WWOX: variants seen among roughly 807,000 people sequenced by gnomAD.
WWOX encodes WW domain-containing oxidoreductase.
Under a neutral mutation model 46.2 loss-of-function variants are expected in WWOX, and 69 were observed. That is an observed-to-expected ratio of 1.49 (90% CI 1.23 to 1.82). The LOEUF (loss-of-function observed/expected upper bound fraction) is 1.82. Among genes scored for constraint, WWOX ranks in the 40% most tolerant of loss-of-function variants. The pLI, the probability that WWOX is intolerant of heterozygous loss-of-function variation, is 0.00. For missense variants in WWOX, 919 were observed against 542.6 expected (o/e 1.69, Z -6.89); for synonymous variants, 359 against 202.6 (o/e 1.77, Z -6.56).
Position 78,648,152 on chromosome 16 carries a change from C to T in WWOX, c.1056+215400C>T, listed in dbSNP as rs72794707. On this transcript the variant is annotated intron_variant, in intron 8 of 8. Coordinates refer to ENST00000566780, the MANE Select transcript of WWOX (RefSeq NM_016373.4). Reference sequence around the variant, plus strand: ...GTTGAAAGGTGACTGAATACATTACCACCTCCCAGGAGTTGAATGAAAAAC... The same window carrying T: ...GTTGAAAGGTGACTGAATACATTACTACCTCCCAGGAGTTGAATGAAAAAC... Among the ~76,000 whole-genome samples, 930 of 152,300 alleles carry T rather than the reference C, an allele frequency of 6.1e-3. 7 individuals carry two copies. The highest frequency in any genetic ancestry group is 0.011 in the Non-Finnish European group (740 of 68,038).
intron 8 of WWOX, among the ~76,000 whole-genome samples, chr16:78,673,857 C>CA (rs1567480670): frequency 2.0e-5 from 3 of 152,146 alleles, no homozygotes; most frequent in Non-Finnish European, 4.4e-5. Flanking sequence ...TTGTGCCATG[C>CA]AAAAAACATG....
At chr16:78,479,175 T>G (rs1466492085) in intron 8 of WWOX, among the ~76,000 whole-genome samples, 1 of 152,214 alleles carries the variant, frequency 6.6e-6, no homozygotes, top group Non-Finnish European at 1.5e-5. Flanking sequence ...TTCTTTCTGT[T>G]TGGATTAACA....
intron 8 of WWOX, among the ~76,000 whole-genome samples, chr16:78,882,547 G>C (rs1472848936): frequency 6.6e-6 from 1 of 151,156 alleles, no homozygotes; most frequent in East Asian, 2.0e-4. Context: ...TGGGATCTCA[G>C]CTCACTGCAC....
chr16:79,041,139 T>C (rs2047963380), intron 8 of WWOX, among the ~76,000 whole-genome samples: 1 of 152,112 alleles, frequency 6.6e-6, no homozygotes, highest in Admixed American at 6.6e-5. Context: ...CTATTGGCAG[T>C]CTCTGACACA....
chr16:78,285,786 C>A (rs933287923), intron 5 of WWOX, among the ~76,000 whole-genome samples: 1 of 152,026 alleles, frequency 6.6e-6, no homozygotes, highest in African/African-American at 2.4e-5. Context: ...GAGCCCTTCC[C>A]TTTCTCTTCT....
At chr16:79,132,239 T>G (rs2049895035) in intron 8 of WWOX, among the ~76,000 whole-genome samples, 1 of 152,158 alleles carries the variant, frequency 6.6e-6, no homozygotes, top group African/African-American at 2.4e-5. Flanking sequence ...GAACTTTAGT[T>G]GACTTTATAA....
rs565705212 is a variant in WWOX at position 78,149,936 on chromosome 16, T to G, written c.410-14247T>G. Among the ~76,000 whole-genome samples, 84 of 152,254 alleles carry G rather than the reference T, an allele frequency of 5.5e-4. 1 individual carries two copies. Among genetic ancestry groups the G allele is most frequent in the Non-Finnish European group, 1.0e-3 (70 of 68,018 alleles). ...CATGACAAATGTGTGGAGTGTTCCC[T>G]CCTTTTACGTAATTCTCCAATTTTC... On this transcript the variant is annotated intron_variant, in intron 4 of 8. Transcript: ENST00000566780.
At chr16:79,011,727 A>G (rs965116716) in intron 8 of WWOX, among the ~76,000 whole-genome samples, 14 of 151,970 alleles carry the variant, frequency 9.2e-5, no homozygotes, top group African/African-American at 3.4e-4. Context: ...TCCTGGGCTC[A>G]AGCTATTCAC....
At chr16:78,322,593 AC>A (rs2080509338) in intron 5 of WWOX, among the ~76,000 whole-genome samples, 1 of 152,178 alleles carries the variant, frequency 6.6e-6, no homozygotes, top group African/African-American at 2.4e-5. Flanking sequence ...TACAATTCAA[AC>A]CCAGGTAGAC....
At chr16:78,277,208 G>A (rs2079593305) in intron 5 of WWOX, among the ~76,000 whole-genome samples, 5 of 152,154 alleles carry the variant, frequency 3.3e-5, no homozygotes, top group Admixed American at 3.3e-4. Flanking sequence ...GAAAAAAAGG[G>A]GGATGGCAGA....
At chr16:78,491,475 T>C (rs1409636388) in intron 8 of WWOX, among the ~76,000 whole-genome samples, 1 of 152,040 alleles carries the variant, frequency 6.6e-6, no homozygotes, top group Non-Finnish European at 1.5e-5. Context: ...TTCTTTGTTC[T>C]TTTTTTTGAG....
rs371171961 is a variant in WWOX, at chr16:78,483,165, T to A, written c.1056+50413T>A. 6.3e-4 allele frequency among the ~76,000 whole-genome samples: 96 copies of A among 152,288 alleles called. 1 individual carries two copies. The highest frequency in any genetic ancestry group is 2.2e-3 in the African/African-American group (93 of 41,558). On this transcript the variant is annotated intron_variant, in intron 8 of 8. Coordinates refer to ENST00000566780, the MANE Select transcript of WWOX (RefSeq NM_016373.4). ...GTTAGACTGCTTTTCTTCTATTTTTTAAAAATGCACCCAAATGTAAAAGAT... is the reference window on the plus strand; with the variant it reads ...GTTAGACTGCTTTTCTTCTATTTTTAAAAAATGCACCCAAATGTAAAAGAT...
rs1012626270 is a variant in WWOX at position 78,346,159 on chromosome 16, C to T, written c.517-40701C>T. On this transcript the variant is annotated intron_variant, in intron 5 of 8. Transcript: ENST00000566780. Reference sequence around the variant, plus strand: ...GTTCTGCATCTGGTTTCTTTCATTCCACATAATTACCTTGGGATGTACCCA... The same window carrying T: ...GTTCTGCATCTGGTTTCTTTCATTCTACATAATTACCTTGGGATGTACCCA... 1.2e-4 allele frequency among the ~76,000 whole-genome samples: 14 copies of T among 120,630 alleles called. 5 individuals carry two copies. The highest frequency in any genetic ancestry group is 2.8e-4 in the Non-Finnish European group (14 of 50,556). The allele number at this position is 120,630 out of a possible 152,430, so 79.1% of individuals were successfully genotyped here. A position where few individuals can be genotyped will look rare whatever the true frequency, so the allele number is the denominator to read the frequency against.
chr16:79,017,407 G>C (rs954951722), intron 8 of WWOX: 2 of 115,988 alleles, frequency 1.7e-5, no homozygotes, highest in African/African-American at 7.2e-5. Flanking sequence ...TCCAGCCTGG[G>C]CAACAGAGCG....
At chr16:79,035,081 GAAAC>G (rs529510959) in intron 8 of WWOX, among the ~76,000 whole-genome samples, 30 of 152,198 alleles carry the variant, frequency 2.0e-4, no homozygotes, top group Admixed American at 5.2e-4. Flanking sequence ...CCAGTAAAGT[GAAAC>G]AAACAAACAA....
rs78950528 is a variant in WWOX at position 78,930,848 on chromosome 16, A to T, written c.1057-280760A>T. ...AGGTCAGTCGCTATGCAAGGCACTG[A>T]GGTGACAAAGACAAGGAGAATGACA... On this transcript the variant is annotated intron_variant, in intron 8 of 8. Transcript: ENST00000566780. 1.3e-3 allele frequency among the ~76,000 whole-genome samples: 202 copies of T among 152,182 alleles called. 1 individual carries two copies. Among genetic ancestry groups the T allele is most frequent in the Non-Finnish European group, 2.2e-3 (147 of 67,998 alleles).
intron 5 of WWOX, among the ~76,000 whole-genome samples, chr16:78,384,343 C>T (rs1416634745): frequency 2.0e-5 from 3 of 152,096 alleles, no homozygotes; most frequent in East Asian, 3.9e-4. Flanking sequence ...GATGAAAGGT[C>T]ACTTTGTTTG....
intron 8 of WWOX, among the ~76,000 whole-genome samples, chr16:78,911,837 G>C (rs2045119963): frequency 6.6e-6 from 1 of 152,052 alleles, no homozygotes; most frequent in African/African-American, 2.4e-5. Flanking sequence ...ATGCATTCCA[G>C]CCTGGGTGAC....
chr16:78,701,474 C>A (rs565659541), intron 8 of WWOX, among the ~76,000 whole-genome samples: 1 of 152,206 alleles, frequency 6.6e-6, no homozygotes, highest in East Asian at 1.9e-4. Context: ...GAATTTGAAC[C>A]CAGGCCTTCC....
Sources: allele counts gnomAD v4.1 joint callset (sites outside exome capture counted in the v4.1 genomes callset), GRCh38; gene constraint gnomAD v4.1.1; transcripts MANE v1.5; gene names NCBI Gene and HGNC (gene_info 2026-07-23, HGNC 2026-07-21).